The following RNF44 variants were observed in gnomAD, a reference collection of about 807,000 sequenced individuals.
The protein encoded by RNF44 is ring finger protein 44.
A neutral mutation model predicts 53.6 loss-of-function variants in RNF44; 25 were observed. That is an observed-to-expected ratio of 0.47 (90% CI 0.34 to 0.65). The LOEUF (loss-of-function observed/expected upper bound fraction) is 0.65, where lower values mean the gene tolerates loss of function less well. Among genes scored for constraint, RNF44 ranks in the 30% least tolerant of loss-of-function variants. The pLI, the probability that RNF44 is intolerant of heterozygous loss-of-function variation, is 0.01. For synonymous variants in RNF44, 282 were observed against 252.2 expected, an observed-to-expected ratio of 1.12 and a Z score of -1.12; for missense variants, 581 against 595.5, an observed-to-expected ratio of 0.98 and a Z score of 0.25.
upstream of RNF44, among the ~76,000 whole-genome samples, chr5:176,542,330 T>A (rs1459001922): frequency 6.6e-6 from 1 of 151,532 alleles, no homozygotes; most frequent in Admixed American, 6.6e-5. Flanking sequence ...GGTGTGAAGC[T>A]GGGTGAAAGC....
upstream of RNF44, among the ~76,000 whole-genome samples, chr5:176,541,560 G>A (rs1212008151): frequency 6.6e-6 from 1 of 152,082 alleles, no homozygotes; most frequent in Non-Finnish European, 1.5e-5. Flanking sequence ...CCAGCACAAA[G>A]CACTTGATGC....
chr5:176,529,062 G>T lies in RNF44; in HGVS notation c.1265C>A (p.Ala422Asp). ...KANRTCPICR[A>D]DASEVPREAE is the part of the protein sequence containing the mutation. ...CTCCCTGGGCACCTCGGAGGCGTCG[G>T]CCCGGCAGATGGGACACGTCCGGTT... The change falls in exon 11 of 11, where the codon GCC becomes GAC. Residue 422 changes from alanine to aspartate, a missense_variant. Transcript: ENST00000274811. The T allele has an allele frequency of 6.2e-7, 1 of 1,613,044 alleles. No individual in the cohort carries two copies. The highest frequency in any genetic ancestry group is 8.5e-7 in the Non-Finnish European group (1 of 1,179,974).
chr5:176,543,043 C>G, the RNF44 span, among the ~76,000 whole-genome samples: 5 of 151,910 alleles, frequency 3.3e-5, no homozygotes, highest in Non-Finnish European at 7.4e-5. This position sits in a 1 kb window ranked among gnomAD's most constrained non-coding sequence, Gnocchi z 4.0. Flanking sequence ...CGGGGCTCCC[C>G]GAGTTGGGGC....
chr5:176,540,072 C>T (rs929544258), upstream of RNF44, among the ~76,000 whole-genome samples: 2 of 152,144 alleles, frequency 1.3e-5, no homozygotes, highest in South Asian at 2.1e-4. Flanking sequence ...GTGCTGAATC[C>T]CCCATTTTTG....
At chr5:176,537,771 G>C (rs571706808), upstream of RNF44, 1 of 152,236 alleles carries the variant, frequency 6.6e-6, no homozygotes. Context: ...TGCCGCCTGA[G>C]ATACTGAAGT....
upstream of RNF44, among the ~76,000 whole-genome samples, chr5:176,539,418 G>A (rs536085594): frequency 5.9e-5 from 9 of 152,230 alleles, no homozygotes; most frequent in South Asian, 1.0e-3. Context: ...GGCCGGGCAC[G>A]GTGGCTCACG....
At position 176,528,614 on chromosome 5, in the gene RNF44, G is replaced by GTTACCTTCAACCACTT; in HGVS notation, c.*413_*414insAAGTGGTTGAAGGTAA. ...CACCTGGCAGTGCCACCTGGGCAGA[G>GTTACCTTCAACCACTT]GGCACGCCATTTCAGAGCATGAGAC... On this transcript the variant is annotated 3_prime_UTR_variant, in exon 11 of 11. Coordinates refer to ENST00000274811, the MANE Select transcript of RNF44 (RefSeq NM_014901.5). 1 of 210,186 alleles carries GTTACCTTCAACCACTT rather than the reference G, an allele frequency of 4.8e-6. No individual in the cohort carries two copies. Among genetic ancestry groups the GTTACCTTCAACCACTT allele is most frequent in the South Asian group, 8.9e-5 (1 of 11,224 alleles). 13.0% of individuals were successfully genotyped at this position (210,186 alleles called of 1,614,324 possible).
rs57598427 is a variant in RNF44, at chr5:176,528,910, A to G, written c.*118T>C. The stretch of plus-strand genomic sequence containing the variant: ...GGCTGACCCTGGCACCAGCTCTGGA[A>G]ATGCAGGCAGGAGCGAAGGGGCAGG... On this transcript the variant is annotated 3_prime_UTR_variant, in exon 11 of 11. Coordinates refer to ENST00000274811, the MANE Select transcript of RNF44 (RefSeq NM_014901.5). The G allele has an allele frequency of 4.3e-3, 4,055 of 933,326 alleles. 70 individuals carry two copies. Among genetic ancestry groups the G allele is most frequent in the African/African-American group, 0.042 (2,506 of 60,310 alleles). 57.8% of individuals were successfully genotyped at this position (933,326 alleles called of 1,614,324 possible).
chr5:176,534,981 C>G (rs1212825394), intron 1 of RNF44, among the ~76,000 whole-genome samples: 1 of 152,220 alleles, frequency 6.6e-6, no homozygotes, highest in African/African-American at 2.4e-5. Context: ...GAGGCCCAGG[C>G]CTGTGGGTGT....
At position 176,530,924 on chromosome 5, in the gene RNF44, G is replaced by A. The variant is rs555978792; in HGVS notation, c.563C>T (p.Pro188Leu). Residue 188 changes from proline to leucine, a missense_variant, in exon 5 of 11, where the codon CCG becomes CTG. Physicochemically the swap from Pro to Leu is moderately conservative, Grantham distance 98. Coordinates refer to ENST00000274811, the MANE Select transcript of RNF44 (RefSeq NM_014901.5). ...GTGGGTGGGCTGGGGGGGTGGGGCC[G>A]GTGGTGGGGGGTGCAGGATGTAGTG... ...SDHYILHPPPPAPPPQPTHMA... is the reference protein window; with the variant it reads ...SDHYILHPPPLAPPPQPTHMA... The A allele has an allele frequency of 7.8e-6, 11 of 1,405,282 alleles. No homozygotes were observed. The highest frequency in any genetic ancestry group is 4.5e-5 in the African/African-American group (3 of 67,232). The allele number at this position is 1,405,282 out of a possible 1,614,324, so 87.1% of individuals were successfully genotyped here. A position where few individuals can be genotyped will look rare whatever the true frequency, so the allele number is the denominator to read the frequency against.
intron 1 of RNF44, among the ~76,000 whole-genome samples, chr5:176,533,700 G>T (rs537688142): frequency 1.1e-4 from 17 of 152,236 alleles, no homozygotes; most frequent in Non-Finnish European, 1.8e-4. Context: ...TTGGGGCAGG[G>T]TCTCCTGCCT....
In RNF44 at chr5:176,531,469, C is replaced by T. The variant is rs143958866; in HGVS notation, c.459G>A (p.Pro153=). The stretch of plus-strand genomic sequence containing the variant: ...GCTAGAAACACTCACTCACCGGGGG[C>T]GGGAGGCAGCAGAGGGGGTAATGCT... ...SGQHYPLCCL[P]PPLIQACTMQ... The change falls in exon 4 of 11, where the codon CCG becomes CCA. Residue 153 remains proline, a synonymous_variant. Transcript: ENST00000274811. The surrounding 1 kb of genome is among the most constrained non-coding windows in gnomAD (Gnocchi z 4.2). 1.2e-4 allele frequency: 189 copies of T among 1,558,174 alleles called. No homozygotes were observed. The East Asian group carries it at 3.4e-3, about 28-fold the overall frequency.
chr5:176,532,484 G>T lies in RNF44; in HGVS notation c.-12C>A. 6.4e-7 allele frequency: 1 copy of T among 1,564,290 alleles called. No homozygotes were observed. The highest frequency in any genetic ancestry group is 8.6e-7 in the Non-Finnish European group (1 of 1,159,516). ...GCCCATGGTCGCATCGGGGGGGCAG[G>T]GGGGTGGAGGGGCTGGGCCGGGACT... On this transcript the variant is annotated 5_prime_UTR_variant, in exon 2 of 11. Coordinates refer to ENST00000274811, the MANE Select transcript of RNF44 (RefSeq NM_014901.5).
rs908775609 is a variant in RNF44 at position 176,531,929 on chromosome 5, A to C, written c.297+75T>G. ...ACGTGAAATGAAGCAAGCTAGGTGA[A>C]ATCTAGGCCTTGCTGCCTCTGCCTC... is the stretch of plus-strand genomic sequence containing the variant. On this transcript the variant is annotated intron_variant, in intron 3 of 10. Coordinates refer to ENST00000274811, the MANE Select transcript of RNF44 (RefSeq NM_014901.5). This position sits in a 1 kb window ranked among gnomAD's most constrained non-coding sequence, Gnocchi z 4.2. 6.9e-7 allele frequency: 1 copy of C among 1,440,782 alleles called. No individual in the cohort carries two copies. Among genetic ancestry groups the C allele is most frequent in the African/African-American group, 1.4e-5 (1 of 70,444 alleles). 89.2% of individuals were successfully genotyped at this position (1,440,782 alleles called of 1,614,324 possible). A position where few individuals can be genotyped will look rare whatever the true frequency, so the allele number is the denominator to read the frequency against.
In RNF44 at chr5:176,529,588, T is replaced by C. The variant is rs764137599; in HGVS notation, c.1071A>G (p.Lys357=). The part of the protein sequence containing the change: ...LGDAKPRGLT[K]ADIEQLPSYR... The stretch of plus-strand genomic sequence containing the variant: ...ACGACGGGAGCTGCTCTATGTCTGC[T>C]TTGGTGAGACCCCGGGGCTTGGCAT... Residue 357 remains lysine, a synonymous_variant, in exon 9 of 11, where the codon AAA becomes AAG. Transcript: ENST00000274811. 4.3e-6 allele frequency: 7 copies of C among 1,613,892 alleles called. No individual in the cohort carries two copies. In the African/African-American group the frequency reaches 5.3e-5, roughly 12 times the overall value.
rs1211594985 is a variant in RNF44, at chr5:176,531,725, C to CT, written c.298-96dup. On this transcript the variant is annotated intron_variant, in intron 3 of 10. Coordinates refer to ENST00000274811, the MANE Select transcript of RNF44 (RefSeq NM_014901.5). This position sits in a 1 kb window ranked among gnomAD's most constrained non-coding sequence, Gnocchi z 4.2. The stretch of plus-strand genomic sequence containing the variant: ...TCATCCTGCCACATCCAGCTGCCGG[C>CT]TCCCTTCCCTTCTCCACGGCGGCCT... 3.8e-6 allele frequency: 5 copies of CT among 1,306,102 alleles called. No individual in the cohort carries two copies. In the African/African-American group the frequency reaches 7.4e-5, roughly 19 times the overall value. The allele number at this position is 1,306,102 out of a possible 1,614,324, so 80.9% of individuals were successfully genotyped here.
intron 7 of RNF44, 116 bp from the exon 8 acceptor site, chr5:176,529,934 G>A (rs1756402538): frequency 7.2e-7 from 1 of 1,382,834 alleles, no homozygotes. Flanking sequence ...GGGGAAGGGA[G>A]CCCAGCTGGC....
chr5:176,533,359 T>C (rs1756874880), intron 1 of RNF44, among the ~76,000 whole-genome samples: 1 of 152,224 alleles, frequency 6.6e-6, no homozygotes, highest in Non-Finnish European at 1.5e-5. Context: ...TGACTTCATC[T>C]ACCTTTCAAG....
upstream of RNF44, among the ~76,000 whole-genome samples, chr5:176,539,833 T>G (rs1436136824): frequency 6.6e-6 from 1 of 152,190 alleles, no homozygotes; most frequent in Admixed American, 6.5e-5. Flanking sequence ...TAACAAGCTC[T>G]TCCTGCCCGA....
Sources: allele counts gnomAD v4.1 joint callset (sites outside exome capture counted in the v4.1 genomes callset), GRCh38; gene constraint gnomAD v4.1.1; non-coding constraint Gnocchi (gnomAD v3.1); transcripts MANE v1.5; gene names NCBI Gene and HGNC (gene_info 2026-07-23, HGNC 2026-07-21).